ACOT7: variants seen among roughly 807,000 people sequenced by gnomAD.
The protein encoded by ACOT7 is cytosolic acyl coenzyme A thioester hydrolase.
ACOT7 carries 12 observed loss-of-function variants against 40.2 expected under a neutral mutation model. The observed-to-expected ratio is 0.30, with a 90% confidence interval of 0.19 to 0.48. ACOT7 has a LOEUF of 0.48. Ranked by LOEUF, ACOT7 falls within the 20% of genes least tolerant of loss-of-function variation. The probability of loss-of-function intolerance (pLI) is 0.99; values close to 1 mark genes in which losing one functional copy is unlikely to be tolerated. For synonymous variants in ACOT7, 228 were observed against 219.5 expected (o/e 1.04, Z -0.34); for missense variants, 395 against 530.8 (o/e 0.74, Z 2.51).
At chr1:6,369,531 T>C (rs575617815) in intron 1 of ACOT7, among the ~76,000 whole-genome samples, 8 of 143,646 alleles carry the variant, frequency 5.6e-5, no homozygotes, top group Non-Finnish European at 1.2e-4. Context: ...CTCAGCCTCC[T>C]GAGTAGCTGG....
intron 1 of ACOT7, among the ~76,000 whole-genome samples, chr1:6,371,909 G>C (rs958485775): frequency 6.6e-6 from 1 of 151,960 alleles, no homozygotes; most frequent in African/African-American, 2.4e-5. Flanking sequence ...GCCAGGTGTG[G>C]TAACGTGCAC....
rs1639500698 is a variant in ACOT7 at position 6,286,300 on chromosome 1, T to C, written c.830-5014A>G. ...GATCAGTGCCCACCTAGGAGAGGTG[T>C]GGATGCTTGTTTAGTTCTGGGGAAG... On this transcript the variant is annotated intron_variant, in intron 7 of 8. Transcript: ENST00000361521. Among the ~76,000 whole-genome samples the C allele has an allele frequency of 2.6e-5, 4 of 152,118 alleles. 1 individual carries two copies. In the Middle Eastern group the frequency reaches 0.01, roughly 391 times the overall value.
At chr1:6,357,301 G>A (rs1410827413) in intron 1 of ACOT7, among the ~76,000 whole-genome samples, 1 of 152,240 alleles carries the variant, frequency 6.6e-6, no homozygotes, top group Non-Finnish European at 1.5e-5. Context: ...GTAACCAGGG[G>A]TAGGTGAGCC....
chr1:6,357,451 G>T lies in ACOT7; in HGVS notation c.144-7585C>A, dbSNP rs149286587. 3.6e-4 allele frequency among the ~76,000 whole-genome samples: 55 copies of T among 152,270 alleles called. No homozygotes were observed. In the East Asian group the frequency reaches 9.7e-3, roughly 27 times the overall value. On this transcript the variant is annotated intron_variant, in intron 1 of 8. Transcript: ENST00000361521. ...TCATTACTGCCCCCTTCTGACAAAG[G>T]CCTCAAACCAGAGGTCAAGCACCAG... is the stretch of plus-strand genomic sequence containing the variant.
rs1639588879 is a variant in ACOT7 at position 6,288,938 on chromosome 1, G to T, written c.829+5926C>A. Among the ~76,000 whole-genome samples, 1 of 152,214 alleles carries T rather than the reference G, an allele frequency of 6.6e-6. No homozygotes were observed. The highest frequency in any genetic ancestry group is 1.5e-5 in the Non-Finnish European group (1 of 68,036). ...AGCGAGGGCAAGCCACAGCCACAGG[G>T]CCTGGCACTTGGTCAATATCGCATA... On this transcript the variant is annotated intron_variant, in intron 7 of 8. Coordinates refer to ENST00000361521, the MANE Select transcript of ACOT7 (RefSeq NM_007274.4). This position sits in a 1 kb window ranked among gnomAD's most constrained non-coding sequence, Gnocchi z 4.3.
At chr1:6,356,719 C>T (rs1641754076) in intron 1 of ACOT7, among the ~76,000 whole-genome samples, 1 of 151,588 alleles carries the variant, frequency 6.6e-6, no homozygotes, top group African/African-American at 2.4e-5. Flanking sequence ...GAGTTTGAGA[C>T]CAGGCTGGCC....
At chr1:6,313,746 C>T (rs906627469) in intron 6 of ACOT7, among the ~76,000 whole-genome samples, 32 of 152,128 alleles carry the variant, frequency 2.1e-4, no homozygotes, top group African/African-American at 7.0e-4. Context: ...GCAGCAGAAG[C>T]CTGGGTCCCC....
intron 1 of ACOT7, among the ~76,000 whole-genome samples, chr1:6,354,146 C>T (rs1308449233): frequency 6.6e-6 from 1 of 152,012 alleles, no homozygotes; most frequent in East Asian, 1.9e-4. Flanking sequence ...AACCCACTCT[C>T]AGCCACCCCA....
At chr1:6,365,888 T>G (rs932881080) in intron 1 of ACOT7, among the ~76,000 whole-genome samples, 2 of 151,974 alleles carry the variant, frequency 1.3e-5, no homozygotes, top group African/African-American at 4.8e-5. Context: ...CTGATTCATA[T>G]TGTTTTGGGG....
chr1:6,289,223 C>T lies in ACOT7; in HGVS notation c.829+5641G>A, dbSNP rs1486394146. ...CAAGCGATTCTCCTACCTCAGCCCCCCGAGTAGCTGGGATTACAGGCGCCT... is the reference window on the plus strand; with the variant it reads ...CAAGCGATTCTCCTACCTCAGCCCCTCGAGTAGCTGGGATTACAGGCGCCT... On this transcript the variant is annotated intron_variant, in intron 7 of 8. Coordinates refer to ENST00000361521, the MANE Select transcript of ACOT7 (RefSeq NM_007274.4). The surrounding 1 kb of genome is among the most constrained non-coding windows in gnomAD (Gnocchi z 4.6). 6.6e-6 allele frequency among the ~76,000 whole-genome samples: 1 copy of T among 152,148 alleles called. No homozygotes were observed. The highest frequency in any genetic ancestry group is 1.5e-5 in the Non-Finnish European group (1 of 68,028).
At chr1:6,292,796 C>T (rs1639707304) in intron 7 of ACOT7, among the ~76,000 whole-genome samples, 1 of 151,774 alleles carries the variant, frequency 6.6e-6, no homozygotes, top group South Asian at 2.1e-4. Context: ...ATTCTCATGC[C>T]TCATCCTCCC....
chr1:6,290,953 C>T (rs781144422), intron 7 of ACOT7, among the ~76,000 whole-genome samples: 1 of 152,196 alleles, frequency 6.6e-6, no homozygotes, highest in Non-Finnish European at 1.5e-5. Context: ...TAGAGTGGCC[C>T]CTTCTCCAGG....
intron 1 of ACOT7, among the ~76,000 whole-genome samples, chr1:6,380,388 A>T (rs1345503042): frequency 1.3e-5 from 2 of 151,562 alleles, no homozygotes; most frequent in Non-Finnish European, 2.9e-5. Context: ...TCACGAGGTC[A>T]GGAGTTCAAG....
chr1:6,324,462 G>C (rs1026813134), intron 5 of ACOT7, among the ~76,000 whole-genome samples: 1 of 151,782 alleles, frequency 6.6e-6, no homozygotes, highest in Non-Finnish European at 1.5e-5. Flanking sequence ...TCGGAGGCTG[G>C]CAAACAGAAG....
chr1:6,282,933 T>C lies in ACOT7; in HGVS notation c.830-1647A>G, dbSNP rs1281481887. ...AGACCTGAGGGTCTCCCAGCATCTC[T>C]GCCTCCTTCCTCACAATGCCCAGCC... On this transcript the variant is annotated intron_variant, in intron 7 of 8. Transcript: ENST00000361521. This position sits in a 1 kb window ranked among gnomAD's most constrained non-coding sequence, Gnocchi z 4.5. The C allele has an allele frequency of 1.9e-6, 1 of 513,020 alleles. No homozygotes were observed. Among genetic ancestry groups the C allele is most frequent in the Non-Finnish European group, 3.8e-6 (1 of 265,874 alleles). The allele number at this position is 513,020 out of a possible 1,614,324, so 31.8% of individuals were successfully genotyped here.
At chr1:6,307,887 G>A (rs1004452322) in intron 6 of ACOT7, among the ~76,000 whole-genome samples, 2 of 151,618 alleles carry the variant, frequency 1.3e-5, no homozygotes, top group African/African-American at 4.9e-5. Context: ...ACCACAACCA[G>A]ACAGAGGGAA....
At chr1:6,334,613 A>G (rs983844553) in intron 3 of ACOT7, among the ~76,000 whole-genome samples, 9 of 152,248 alleles carry the variant, frequency 5.9e-5, no homozygotes, top group Non-Finnish European at 1.3e-4. Context: ...TCCAGGTGCC[A>G]AGAGACGGGC....
chr1:6,299,847 T>G lies in ACOT7; in HGVS notation c.713-4867A>C, dbSNP rs1298116703. 2.6e-5 allele frequency among the ~76,000 whole-genome samples: 4 copies of G among 152,168 alleles called. No homozygotes were observed. Among genetic ancestry groups the G allele is most frequent in the African/African-American group, 9.7e-5 (4 of 41,422 alleles). ...CACTCACACACACAGCCAGCACAGG[T>G]GTGCCACGGAATTCCACGGCATTTC... is the stretch of plus-strand genomic sequence containing the variant. On this transcript the variant is annotated intron_variant, in intron 6 of 8. Coordinates refer to ENST00000361521, the MANE Select transcript of ACOT7 (RefSeq NM_007274.4). The surrounding 1 kb of genome is among the most constrained non-coding windows in gnomAD (Gnocchi z 4.1).
chr1:6,336,647 C>CCG (rs965895400), intron 3 of ACOT7, among the ~76,000 whole-genome samples: 1 of 152,148 alleles, frequency 6.6e-6, no homozygotes, highest in Non-Finnish European at 1.5e-5. Flanking sequence ...GCCAGGGTCC[C>CCG]CGCGCGCATC....
Sources: gnomAD v4.1 joint callset for allele counts (sites outside exome capture counted in the v4.1 genomes callset) on GRCh38, gnomAD v4.1.1 for gene constraint, Gnocchi (gnomAD v3.1) non-coding constraint, MANE v1.5 for transcripts, NCBI Gene and HGNC (gene_info 2026-07-23, HGNC 2026-07-21) for gene names.